Variants in MACROD2 observed in about 807,000 individuals in gnomAD.
MACROD2 encodes mono-ADP ribosylhydrolase 2, also known as ADP-ribose glycohydrolase MACROD2.
In MACROD2, 36 loss-of-function variants were observed where a neutral mutation model predicts 70.4. The observed-to-expected ratio is 0.51, with a 90% CI of 0.39 to 0.68. The LOEUF (loss-of-function observed/expected upper bound fraction) is 0.68, where lower values mean the gene tolerates loss of function less well. Ranked by LOEUF, MACROD2 falls within the 30% of genes least tolerant of loss-of-function variation. MACROD2 has a pLI of 0.00. For missense variants in MACROD2, 496 were observed against 538.4 expected (o/e 0.92, Z 0.78); for synonymous variants, 172 against 178.8 (o/e 0.96, Z 0.30).
chr20:15,004,297 C>T (rs1171507076), intron 5 of MACROD2, among the ~76,000 whole-genome samples: 1 of 152,194 alleles, frequency 6.6e-6, no homozygotes, highest in African/African-American at 2.4e-5. Context: ...AATATATCCC[C>T]TCTATCTGGA....
chr20:15,837,520 A>T (rs1382729351), intron 8 of MACROD2, among the ~76,000 whole-genome samples: 1 of 152,076 alleles, frequency 6.6e-6, no homozygotes, highest in African/African-American at 2.4e-5. Flanking sequence ...TATCATGTTC[A>T]GGTGCTTGTC....
intron 3 of MACROD2, among the ~76,000 whole-genome samples, chr20:14,315,238 G>A (rs747604790): frequency 1.3e-5 from 2 of 152,050 alleles, no homozygotes; most frequent in Non-Finnish European, 2.9e-5. Flanking sequence ...TTTGAACTTT[G>A]GTTTCTTTTG....
At chr20:15,858,569 G>A (rs1234848102) in intron 8 of MACROD2, among the ~76,000 whole-genome samples, 2 of 152,176 alleles carry the variant, frequency 1.3e-5, no homozygotes, top group African/African-American at 2.4e-5. Context: ...AAGAATATCA[G>A]ATTTCTAGTT....
chr20:14,905,280 G>A (rs1046495486), intron 5 of MACROD2: 2 of 152,286 alleles, frequency 1.3e-5, no homozygotes, highest in African/African-American at 4.8e-5. Context: ...AGAGGAAAGA[G>A]AGACATTCAA....
intron 13 of MACROD2, among the ~76,000 whole-genome samples, chr20:15,983,440 A>T (rs185324854): frequency 1.1e-4 from 16 of 152,300 alleles, no homozygotes; most frequent in Admixed American, 6.5e-4. Flanking sequence ...CTGCTTGGGG[A>T]TGAACAACGG....
chr20:14,275,411 G>C (rs1601425056), intron 3 of MACROD2, among the ~76,000 whole-genome samples: 1 of 151,816 alleles, frequency 6.6e-6, no homozygotes, highest in Admixed American at 6.6e-5. Context: ...ATGGTGCTGG[G>C]AAAACTGGCT....
At chr20:15,274,057 C>A (rs1471891745) in intron 6 of MACROD2, among the ~76,000 whole-genome samples, 1 of 152,076 alleles carries the variant, frequency 6.6e-6, no homozygotes, top group Non-Finnish European at 1.5e-5. Flanking sequence ...TAAGATAGTT[C>A]TAAGAGTTTA....
At chr20:14,520,327 AAAGAAAACTC>A (rs1234397720) in intron 4 of MACROD2, among the ~76,000 whole-genome samples, 2 of 152,172 alleles carry the variant, frequency 1.3e-5, no homozygotes, top group African/African-American at 4.8e-5. Context: ...AACAAAAAAG[AAAGAAAACTC>A]AAGAAAACCA....
At chr20:15,018,992 A>G (rs1050073192) in intron 5 of MACROD2, among the ~76,000 whole-genome samples, 5 of 152,096 alleles carry the variant, frequency 3.3e-5, no homozygotes, top group Admixed American at 3.3e-4. Context: ...CTGCAGAATC[A>G]TTGGCCAAAT....
intron 5 of MACROD2, among the ~76,000 whole-genome samples, chr20:14,964,775 G>A (rs2074617247): frequency 6.6e-6 from 1 of 152,060 alleles, no homozygotes; most frequent in African/African-American, 2.4e-5. Flanking sequence ...CTATACTTTA[G>A]TGTTATTTTT....
At chr20:14,552,101 A>G (rs137868971) in intron 4 of MACROD2, among the ~76,000 whole-genome samples, 2,128 of 151,914 alleles carry the variant, frequency 0.014, 56 homozygotes, top group African/African-American at 0.049. Context: ...CAGGGAGATC[A>G]GAAAGCATAA....
At chr20:15,097,924 T>C (rs2075845926) in intron 5 of MACROD2, among the ~76,000 whole-genome samples, 1 of 152,230 alleles carries the variant, frequency 6.6e-6, no homozygotes, top group East Asian at 1.9e-4. Context: ...GCCTGAGTGT[T>C]ACCTTTTGGA....
chr20:14,323,251 T>C (rs1216145486), intron 3 of MACROD2: 1 of 152,114 alleles, frequency 6.6e-6, no homozygotes, highest in African/African-American at 2.4e-5. Context: ...TTTCCCAGGA[T>C]CCCCTTTTTG....
chr20:14,954,778 A>G (rs2074510230), intron 5 of MACROD2, among the ~76,000 whole-genome samples: 1 of 112,610 alleles, frequency 8.9e-6, no homozygotes, highest in Non-Finnish European at 1.6e-5. Flanking sequence ...TATAACATAA[A>G]TTATAAATAT....
At chr20:14,903,161 C>T (rs2122559715) in intron 5 of MACROD2, among the ~76,000 whole-genome samples, 1 of 151,508 alleles carries the variant, frequency 6.6e-6, no homozygotes, top group East Asian at 2.0e-4. Context: ...CCTGCCTCAG[C>T]CTCCCGAGTA....
intron 8 of MACROD2, among the ~76,000 whole-genome samples, chr20:15,636,093 G>GAAAA (rs2049362741): frequency 4.6e-5 from 3 of 64,872 alleles, no homozygotes; most frequent in African/African-American, 5.2e-5. Context: ...AAAAAAAAAA[G>GAAAA]AAAGAAAAGA....
chr20:14,897,376 A>G (rs1457813466), intron 5 of MACROD2, among the ~76,000 whole-genome samples: 1 of 152,178 alleles, frequency 6.6e-6, no homozygotes, highest in Non-Finnish European at 1.5e-5. Context: ...TTCTTATAAT[A>G]ATATACTTTT....
In MACROD2 at chr20:15,113,204, T is replaced by C. The variant is rs528488754; in HGVS notation, c.419-116736T>C. The stretch of plus-strand genomic sequence containing the variant: ...TTGAGGAAATGCAATACATTTTTTT[T>C]CCCAAAGCAGCAACACCTTTTACAT... On this transcript the variant is annotated intron_variant, in intron 5 of 17. Coordinates refer to ENST00000684519, the MANE Select transcript of MACROD2 (RefSeq NM_001351661.2). Among the ~76,000 whole-genome samples the C allele has an allele frequency of 7.7e-4, 117 of 151,976 alleles. 4 individuals are homozygous for C. In the South Asian group the frequency reaches 0.021, roughly 28 times the overall value.
chr20:15,200,117 G>A (rs1212313367), intron 5 of MACROD2, among the ~76,000 whole-genome samples: 4 of 152,078 alleles, frequency 2.6e-5, no homozygotes, highest in Admixed American at 6.5e-5. Context: ...TCTGAAATGC[G>A]GCCTTCGTAG....
Sources: allele counts gnomAD v4.1 joint callset (sites outside exome capture counted in the v4.1 genomes callset), GRCh38; gene constraint gnomAD v4.1.1; transcripts MANE v1.5; gene names NCBI Gene and HGNC (gene_info 2026-07-23, HGNC 2026-07-21).